Variants in LRRC74B observed in about 807,000 individuals in gnomAD.
The protein encoded by LRRC74B is leucine rich repeat containing 74B, also known as leucine-rich repeat-containing protein 74B.
LRRC74B carries 30 observed loss-of-function variants against 16.6 expected under a neutral mutation model. That is an observed-to-expected ratio of 1.80 (90% CI 1.35 to 2.45). LRRC74B has a LOEUF of 2.45. Among genes scored for constraint, LRRC74B ranks in the 30% most tolerant of loss-of-function variants. The probability of loss-of-function intolerance (pLI) is 0.00; values close to 1 mark genes in which losing one functional copy is unlikely to be tolerated. For missense variants in LRRC74B, 326 were observed against 202.4 expected, an observed-to-expected ratio of 1.61 and a Z score of -3.71; for synonymous variants, 134 against 86.0, an observed-to-expected ratio of 1.56 and a Z score of -3.09.
chr22:21,056,845 C>T (rs1238833863), intron 7 of LRRC74B: 1 of 441,220 alleles, frequency 2.3e-6, no homozygotes, highest in Non-Finnish European at 4.0e-6. Flanking sequence ...CTCCCCTCTC[C>T]CCAGCAGGCA....
At chr22:21,046,202 G>T in intron 1 of LRRC74B, 77 bp downstream of exon 1, 1 of 695,994 alleles carries the variant, frequency 1.4e-6, no homozygotes, top group South Asian at 1.5e-5. Flanking sequence ...AGGCGGGCTG[G>T]GGCTAAGGCC....
At chr22:21,046,270 T>A in intron 1 of LRRC74B, 145 bp downstream of exon 1, 1 of 603,144 alleles carries the variant, frequency 1.7e-6, no homozygotes, top group East Asian at 2.7e-5. Context: ...CCTTCATTGC[T>A]CCTGGAAGCA....
chr22:21,048,232 C>CA, intron 3 of LRRC74B: 1 of 553,230 alleles, frequency 1.8e-6, no homozygotes. Context: ...ACCCACCCCA[C>CA]ACCATCACTC....
intron 3 of LRRC74B, chr22:21,048,494 A>G (rs550603251): frequency 4.0e-6 from 1 of 249,854 alleles, no homozygotes; most frequent in Non-Finnish European, 7.9e-6. Flanking sequence ...CCCCCAAAAT[A>G]CCTTATGGGC....
chr22:21,054,558 A>G (rs1227728048), intron 6 of LRRC74B, among the ~76,000 whole-genome samples: 1 of 152,110 alleles, frequency 6.6e-6, no homozygotes, highest in Non-Finnish European at 1.5e-5. Context: ...AGAAGGCCCC[A>G]CTCAATCCTG....
chr22:21,062,662 A>C (rs1309780039), downstream of LRRC74B: 1 of 148,704 alleles, frequency 6.7e-6, no homozygotes, highest in Non-Finnish European at 1.5e-5. Flanking sequence ...GCAGTGAGCC[A>C]AGCTCACTTC....
intron 4 of LRRC74B, among the ~76,000 whole-genome samples, chr22:21,050,404 G>A (rs1432924546): frequency 6.6e-6 from 1 of 152,016 alleles, no homozygotes. Context: ...ATCAGCCTTG[G>A]CCTGTGAGAA....
intron 4 of LRRC74B, among the ~76,000 whole-genome samples, chr22:21,050,774 T>C (rs980736782): frequency 4.2e-5 from 3 of 72,194 alleles, no homozygotes; most frequent in Admixed American, 3.3e-4. Context: ...CGAGACTCTG[T>C]CTCAAAAAAA....
chr22:21,047,390 A>G (rs1486582832), exon 2 of LRRC74B: 5 of 717,252 alleles, frequency 7.0e-6, no homozygotes, highest in Non-Finnish European at 1.3e-5. Context: ...TCAGGGACAC[A>G]CTGTACCTGA....
At chr22:21,047,482 G>C in exon 2 of LRRC74B, 1 of 717,458 alleles carries the variant, frequency 1.4e-6, no homozygotes, top group South Asian at 1.5e-5. Flanking sequence ...CTCCGGCACC[G>C]TGGCCTGGGG....
At chr22:21,054,390 G>T (rs999767829) in intron 6 of LRRC74B, among the ~76,000 whole-genome samples, 4 of 152,242 alleles carry the variant, frequency 2.6e-5, no homozygotes, top group African/African-American at 2.4e-5. Flanking sequence ...CCCTGTGTGA[G>T]GGGCTCCTCC....
chr22:21,056,903 G>T, intron 7 of LRRC74B: 3 of 577,118 alleles, frequency 5.2e-6, no homozygotes, highest in Non-Finnish European at 9.2e-6. Context: ...TCAATCGGAG[G>T]CCTCTCCCTT....
chr22:21,055,949 T>A (rs1165212188), intron 7 of LRRC74B, among the ~76,000 whole-genome samples: 1 of 152,012 alleles, frequency 6.6e-6, no homozygotes, highest in Non-Finnish European at 1.5e-5. Context: ...GGGGGCTCCT[T>A]CTTCCTTCTT....
chr22:21,053,253 T>G, intron 5 of LRRC74B, 107 bp from the exon 6 acceptor site: 3 of 628,560 alleles, frequency 4.8e-6, no homozygotes, highest in East Asian at 2.8e-5. Context: ...CTTCTGCCCT[T>G]TATCTCTTAT....
intron 4 of LRRC74B, 126 bp downstream of exon 4, chr22:21,049,283 C>A: frequency 1.7e-6 from 1 of 603,104 alleles, no homozygotes. Flanking sequence ...CTCCCCACAC[C>A]CCACCTTGCC....
chr22:21,046,163 T>TG (rs1929407841), intron 1 of LRRC74B, 38 bp downstream of exon 1: 2 of 713,590 alleles, frequency 2.8e-6, no homozygotes, highest in Non-Finnish European at 5.2e-6. Flanking sequence ...TCCTCCCCTT[T>TG]GGGGGTCTTC....
At chr22:21,049,732 C>A (rs969071193) in intron 4 of LRRC74B, among the ~76,000 whole-genome samples, 1 of 151,550 alleles carries the variant, frequency 6.6e-6, no homozygotes, top group Non-Finnish European at 1.5e-5. Context: ...GTGGAGAGGG[C>A]AGAGGGGGCT....
At position 21,048,012 on chromosome 22, in the gene LRRC74B, CCA is replaced by C. The variant is rs1336627911; in HGVS notation, c.412_413del (p.His138Ter). 1.4e-6 allele frequency: 1 copy of C among 717,334 alleles called. No individual in the cohort carries two copies. The highest frequency in any genetic ancestry group is 2.7e-5 in the East Asian group (1 of 37,282). The allele number at this position is 717,334 out of a possible 1,614,324, so 44.4% of individuals were successfully genotyped here. On this transcript the variant is annotated frameshift_variant and splice_region_variant, in exon 3 of 9. Transcript: ENST00000442047. LOFTEE classifies it high-confidence loss of function. Reference sequence around the variant, plus strand: ...GTGCCCTGAGCAAAAGCAGCAGCATCCATGGTAGGTGCTGGGTCTGGGGCAGG... The same window carrying C: ...GTGCCCTGAGCAAAAGCAGCAGCATCTGGTAGGTGCTGGGTCTGGGGCAGG...
At chr22:21,052,332 G>T (rs774187437) in exon 5 of LRRC74B, 1 of 717,502 alleles carries the variant, frequency 1.4e-6, no homozygotes, top group Non-Finnish European at 2.6e-6. Context: ...GGGCCCAGGA[G>T]CTGTGGCATT....
Sources: allele counts gnomAD v4.1 joint callset (sites outside exome capture counted in the v4.1 genomes callset), GRCh38; gene constraint gnomAD v4.1.1; transcripts MANE v1.5; gene names NCBI Gene and HGNC (gene_info 2026-07-23, HGNC 2026-07-21).